Variants in TTC12 observed in about 807,000 individuals in gnomAD.
TTC12 encodes the protein tetratricopeptide repeat protein 12.
A neutral mutation model predicts 90.1 loss-of-function variants in TTC12; 70 were observed. The observed-to-expected ratio is 0.78, with a 90% CI of 0.64 to 0.95. TTC12 has a LOEUF of 0.95. TTC12 is among the 40% of genes least tolerant of loss of function. The probability of loss-of-function intolerance (pLI) is 0.00; values close to 1 mark genes in which losing one functional copy is unlikely to be tolerated. For missense variants in TTC12, 819 were observed against 846.1 expected, an observed-to-expected ratio of 0.97 and a Z score of 0.40; for synonymous variants, 296 against 311.5, an observed-to-expected ratio of 0.95 and a Z score of 0.53.
chr11:113,367,700 A>C (rs967875564), downstream of TTC12, among the ~76,000 whole-genome samples: 1 of 137,720 alleles, frequency 7.3e-6, no homozygotes, highest in African/African-American at 2.8e-5. Flanking sequence ...AAACGGAGAT[A>C]AATAATTGGC....
intron 2 of TTC12, among the ~76,000 whole-genome samples, chr11:113,319,791 G>C (rs1947184593): frequency 6.6e-6 from 1 of 152,106 alleles, no homozygotes; most frequent in South Asian, 2.1e-4. Flanking sequence ...CAGGGGAAAG[G>C]AATGAAGAGC....
At chr11:113,359,876 TCCGCTGAGAATTCAGATTG>T in intron 17 of TTC12, 45 bp from the exon 18 acceptor site, 1 of 1,333,348 alleles carries the variant, frequency 7.5e-7, no homozygotes, top group Non-Finnish European at 1.1e-6. Flanking sequence ...CAGAAGAAGC[TCCGCTGAGAATTCAGATTG>T]TCAGAAAATT....
intron 12 of TTC12, among the ~76,000 whole-genome samples, chr11:113,343,998 A>G (rs956955470): frequency 2.0e-5 from 3 of 152,140 alleles, no homozygotes; most frequent in South Asian, 2.1e-4. Flanking sequence ...GTCATGTACT[A>G]ACTTATTTAA....
chr11:113,346,324 G>A (rs945900873), intron 13 of TTC12, among the ~76,000 whole-genome samples: 1 of 152,094 alleles, frequency 6.6e-6, no homozygotes, highest in African/African-American at 2.4e-5. Context: ...GACACGGGGG[G>A]TGATGCAGTT....
At chr11:113,338,895 A>G (rs1198229019) in intron 9 of TTC12, 61 bp downstream of exon 9, 12 of 1,487,096 alleles carry the variant, frequency 8.1e-6, no homozygotes, top group Non-Finnish European at 1.1e-5. Context: ...CCCCTGCCTT[A>G]GAATGCCTTC....
intron 16 of TTC12, among the ~76,000 whole-genome samples, chr11:113,358,833 A>T (rs1555153512): frequency 6.6e-6 from 1 of 152,128 alleles, no homozygotes; most frequent in Non-Finnish European, 1.5e-5. Context: ...TTGCCAGTTC[A>T]ACTCACCCAT....
At chr11:113,364,102 C>G (rs1337113137) in intron 20 of TTC12, among the ~76,000 whole-genome samples, 175 bp downstream of exon 20, 2 of 152,208 alleles carry the variant, frequency 1.3e-5, no homozygotes, top group Non-Finnish European at 2.9e-5. Flanking sequence ...TTTAATTAAC[C>G]TTTTGGATGC....
At chr11:113,348,417 G>C (rs1446004141) in intron 13 of TTC12, among the ~76,000 whole-genome samples, 1 of 152,098 alleles carries the variant, frequency 6.6e-6, no homozygotes, top group Non-Finnish European at 1.5e-5. Flanking sequence ...AGGTCTTCAT[G>C]AGTGTCTCTT....
chr11:113,339,691 A>G (rs1416014740), intron 10 of TTC12: 2 of 488,994 alleles, frequency 4.1e-6, no homozygotes, highest in East Asian at 5.9e-5. Context: ...CACACATGCA[A>G]TAAACATACA....
At chr11:113,320,773 C>T (rs553264451) in intron 2 of TTC12, among the ~76,000 whole-genome samples, 4 of 152,332 alleles carry the variant, frequency 2.6e-5, no homozygotes, top group South Asian at 2.1e-4. Flanking sequence ...TGCACTTGTC[C>T]GTCTGCGTTC....
At chr11:113,339,173 C>T in intron 9 of TTC12, 113 bp from the exon 10 acceptor site, 1 of 844,560 alleles carries the variant, frequency 1.2e-6, no homozygotes, top group Non-Finnish European at 1.8e-6. Flanking sequence ...TATTTTAATG[C>T]TTTATGCTTC....
At chr11:113,361,171 G>T (rs1949902577) in intron 18 of TTC12, among the ~76,000 whole-genome samples, 1 of 152,186 alleles carries the variant, frequency 6.6e-6, no homozygotes, top group Admixed American at 6.5e-5. Flanking sequence ...GGGATCCGTG[G>T]TGTCAACTAT....
chr11:113,364,817 TCTC>T lies in TTC12; in HGVS notation c.1817-17_1817-15del, dbSNP rs1359950120. The T allele has an allele frequency of 2.5e-6, 4 of 1,611,216 alleles. No individual in the cohort carries two copies. The highest frequency in any genetic ancestry group is 3.4e-6 in the Non-Finnish European group (4 of 1,177,472). ...GGGATTAAAAGGAGCTGTTGCTTGTTCTCTTCTTTCCCTGCAGAGTTGAGCGTT... is the reference window on the plus strand; with the variant it reads ...GGGATTAAAAGGAGCTGTTGCTTGTTTTCTTTCCCTGCAGAGTTGAGCGTT... On this transcript the variant is annotated splice_polypyrimidine_tract_variant and intron_variant, in intron 20 of 21. Transcript: ENST00000529221.
At chr11:113,322,765 T>C (rs1364609750) in intron 2 of TTC12, among the ~76,000 whole-genome samples, 3 of 152,106 alleles carry the variant, frequency 2.0e-5, no homozygotes, top group East Asian at 3.9e-4. Flanking sequence ...TTAGGTGAGA[T>C]AGCAGGGCAA....
intron 6 of TTC12, among the ~76,000 whole-genome samples, chr11:113,328,717 A>G (rs1325345828): frequency 6.6e-6 from 1 of 152,192 alleles, no homozygotes; most frequent in Non-Finnish European, 1.5e-5. Flanking sequence ...AACCATCACA[A>G]TCAATTTTTG....
At chr11:113,358,093 T>TG (rs1452079323) in intron 16 of TTC12, among the ~76,000 whole-genome samples, 1 of 152,154 alleles carries the variant, frequency 6.6e-6, no homozygotes, top group Non-Finnish European at 1.5e-5. Flanking sequence ...CAGAGGAGGT[T>TG]GCTCCTAGGG....
At chr11:113,316,711 G>A (rs549460499) in intron 2 of TTC12, among the ~76,000 whole-genome samples, 2 of 152,352 alleles carry the variant, frequency 1.3e-5, no homozygotes, top group South Asian at 4.1e-4. Context: ...TTTTAGAGCT[G>A]CAGAGGCAAA....
intron 15 of TTC12, 25 bp downstream of exon 15, chr11:113,351,324 T>G (rs1555150113): frequency 1.2e-6 from 2 of 1,604,776 alleles, no homozygotes; most frequent in Non-Finnish European, 1.7e-6. Context: ...ATTTTCATCC[T>G]CTGTAACAGA....
intron 7 of TTC12, among the ~76,000 whole-genome samples, chr11:113,332,884 G>C (rs1948143840): frequency 6.6e-6 from 1 of 152,106 alleles, no homozygotes. Context: ...CTAGGCCCGT[G>C]GTTTTGACTT....
Sources: gnomAD v4.1 joint callset for allele counts (sites outside exome capture counted in the v4.1 genomes callset) on GRCh38, gnomAD v4.1.1 for gene constraint, MANE v1.5 for transcripts, NCBI Gene and HGNC (gene_info 2026-07-23, HGNC 2026-07-21) for gene names.